Variants in FCHO1 observed in about 807,000 individuals in gnomAD.
The protein encoded by FCHO1 is FCH and mu domain containing endocytic adaptor 1.
Under a neutral mutation model 114.4 loss-of-function variants are expected in FCHO1, and 45 were observed. The ratio of observed to expected loss-of-function variants is 0.39; its 90% confidence interval spans 0.31 to 0.50. FCHO1 has a LOEUF of 0.50. FCHO1 is among the 20% of genes least tolerant of loss of function. The pLI is 0.77. For missense variants in FCHO1, 1,042 were observed against 1,209.6 expected, an observed-to-expected ratio of 0.86 and a Z score of 2.06; for synonymous variants, 480 against 488.9, an observed-to-expected ratio of 0.98 and a Z score of 0.24.
At chr19:17,768,571 G>C (rs1452974031) in intron 7 of FCHO1, among the ~76,000 whole-genome samples, 1 of 151,938 alleles carries the variant, frequency 6.6e-6, no homozygotes, top group Non-Finnish European at 1.5e-5. Flanking sequence ...ACACACACCT[G>C]TAATCCCAGC....
At chr19:17,771,642 C>T (rs570555645) in intron 9 of FCHO1, among the ~76,000 whole-genome samples, 12 of 151,510 alleles carry the variant, frequency 7.9e-5, no homozygotes, top group Admixed American at 7.2e-4. Context: ...GCACTCCAGC[C>T]TGGGCGACAG....
intron 23 of FCHO1, among the ~76,000 whole-genome samples, chr19:17,782,565 A>G (rs4808691): frequency 0.89 from 135,250 of 152,122 alleles, 60,545 homozygotes; most frequent in Middle Eastern, 0.97. Context: ...CGTGGGCATT[A>G]AGATGAAGGG....
chr19:17,785,347 G>A (rs1357366907), intron 26 of FCHO1, among the ~76,000 whole-genome samples: 2 of 152,076 alleles, frequency 1.3e-5, no homozygotes, highest in African/African-American at 2.4e-5. Flanking sequence ...CAGCCTCCCG[G>A]ATAGCTGGGA....
At chr19:17,767,569 A>C (rs1278734419) in intron 7 of FCHO1, among the ~76,000 whole-genome samples, 1 of 151,514 alleles carries the variant, frequency 6.6e-6, no homozygotes, top group Non-Finnish European at 1.5e-5. Flanking sequence ...TGTCTAAAAA[A>C]AAAAAAAAAA....
intron 5 of FCHO1, among the ~76,000 whole-genome samples, chr19:17,763,083 T>A (rs1314221974): frequency 6.6e-6 from 1 of 152,036 alleles, no homozygotes; most frequent in Non-Finnish European, 1.5e-5. Flanking sequence ...GAGGATGATA[T>A]AACCTACTCA....
chr19:17,763,648 A>G (rs1394624921), intron 5 of FCHO1, among the ~76,000 whole-genome samples: 5 of 139,430 alleles, frequency 3.6e-5, no homozygotes, highest in Non-Finnish European at 7.5e-5. Flanking sequence ...GCCTCGACCT[A>G]CCGGGCCCAA....
intron 6 of FCHO1, among the ~76,000 whole-genome samples, chr19:17,765,436 C>G (rs910471034): frequency 3.9e-5 from 6 of 152,048 alleles, no homozygotes; most frequent in African/African-American, 1.4e-4. Context: ...TTTTGGGAAG[C>G]TGAGGTGGGA....
At chr19:17,779,629 G>A (rs2093137520) in intron 20 of FCHO1, among the ~76,000 whole-genome samples, 1 of 132,128 alleles carries the variant, frequency 7.6e-6, no homozygotes, top group South Asian at 2.3e-4. Flanking sequence ...GTCAAGGGAG[G>A]GAGGAGGATG....
chr19:17,761,529 A>G (rs1486926081), intron 4 of FCHO1, among the ~76,000 whole-genome samples: 1 of 151,570 alleles, frequency 6.6e-6, no homozygotes, highest in African/African-American at 2.4e-5. Flanking sequence ...ATTTAACTGA[A>G]TTTGTTTATC....
chr19:17,780,539 G>A (rs2093306173), intron 20 of FCHO1, among the ~76,000 whole-genome samples: 1 of 152,150 alleles, frequency 6.6e-6, no homozygotes, highest in Non-Finnish European at 1.5e-5. Flanking sequence ...GACATTTTTG[G>A]TTGTCACCAC....
chr19:17,778,610 C>A lies in FCHO1; in HGVS notation c.1353C>A (p.Gly451=). ...TGACCGCCCGCTTCCCTCCCCAAGGCTCTAGCAGCCTGGGCTTCACCTCCA... is the reference window on the plus strand; with the variant it reads ...TGACCGCCCGCTTCCCTCCCCAAGGATCTAGCAGCCTGGGCTTCACCTCCA... ...ESAFDHEDFT[G]SSSLGFTSSP... is the part of the protein sequence containing the mutation. The change falls in exon 20 of 29, where the codon GGC becomes GGA. Residue 451 remains glycine, a splice_region_variant and synonymous_variant. Transcript: ENST00000596536. The A allele has an allele frequency of 6.4e-7, 1 of 1,554,528 alleles. No individual in the cohort carries two copies.
At chr19:17,750,946 A>G (rs977058298), upstream of FCHO1, among the ~76,000 whole-genome samples, 1 of 149,426 alleles carries the variant, frequency 6.7e-6, no homozygotes, top group Non-Finnish European at 1.5e-5. Context: ...GGTTCAAGTG[A>G]TTCTCCTGCC....
At chr19:17,758,186 A>T (rs1209564702) in intron 4 of FCHO1, among the ~76,000 whole-genome samples, 1 of 151,580 alleles carries the variant, frequency 6.6e-6, no homozygotes, top group Non-Finnish European at 1.5e-5. Flanking sequence ...CTGCACTCCA[A>T]CCTGGGTGAC....
intron 6 of FCHO1, among the ~76,000 whole-genome samples, chr19:17,765,627 T>TGTAC (rs2088642540): frequency 1.3e-5 from 2 of 151,850 alleles, no homozygotes; most frequent in South Asian, 2.1e-4. Flanking sequence ...GAGCCATGAT[T>TGTAC]GTACCACTGC....
intron 11 of FCHO1, 25 bp from the exon 12 acceptor site, chr19:17,774,214 A>G (rs1218469307): frequency 5.0e-6 from 8 of 1,613,324 alleles, no homozygotes; most frequent in South Asian, 1.1e-5. Context: ...CAGCCCCTCA[A>G]TTGAGTTTCC....
At position 17,781,668 on chromosome 19, in the gene FCHO1, C is replaced by T. The variant is rs766277187; in HGVS notation, c.1829-44C>T. 59 of 1,550,092 alleles carry T rather than the reference C, an allele frequency of 3.8e-5. 1 individual carries two copies. The Middle Eastern group carries it at 7.0e-4, about 18-fold the overall frequency. ...GTCTCGAGCCTGGAGCCTATATTCA[C>T]ACTGTCTATCCGTTGTTCCCCATTC... On this transcript the variant is annotated intron_variant, in intron 22 of 28. Coordinates refer to ENST00000596536, the MANE Select transcript of FCHO1 (RefSeq NM_015122.3).
chr19:17,772,872 A>T, intron 11 of FCHO1, 131 bp downstream of exon 11: 1 of 667,930 alleles, frequency 1.5e-6, no homozygotes, highest in Non-Finnish European at 2.5e-6. Context: ...CATGTTGGCC[A>T]GGCTGGTCTC....
intron 11 of FCHO1, among the ~76,000 whole-genome samples, chr19:17,773,576 G>C (rs1338044662): frequency 1.3e-5 from 2 of 152,144 alleles, no homozygotes; most frequent in Non-Finnish European, 2.9e-5. Flanking sequence ...GTTCTTGGGA[G>C]AGAGTTCCCA....
chr19:17,778,039 A>G, intron 18 of FCHO1, 98 bp from the exon 19 acceptor site: 11 of 354,354 alleles, frequency 3.1e-5, no homozygotes, highest in Non-Finnish European at 4.3e-6. Context: ...ACTCCGTCTC[A>G]AAAAAAAAAA....
Sources: allele counts gnomAD v4.1 joint callset (sites outside exome capture counted in the v4.1 genomes callset), GRCh38; gene constraint gnomAD v4.1.1; transcripts MANE v1.5; gene names NCBI Gene and HGNC (gene_info 2026-07-23, HGNC 2026-07-21).